MAOA: variants seen among roughly 807,000 people sequenced by gnomAD.
The protein encoded by MAOA is monoamine oxidase A, also known as amine oxidase [flavin-containing] A.
A neutral mutation model predicts 42.0 loss-of-function variants in MAOA; 6 were observed. The ratio of observed to expected loss-of-function variants is 0.14; its 90% CI spans 0.08 to 0.28. The LOEUF (loss-of-function observed/expected upper bound fraction) is 0.28. Ranked by LOEUF, MAOA falls within the 10% of genes least tolerant of loss-of-function variation. The pLI is 1.00. For synonymous variants in MAOA, 140 were observed against 154.0 expected (o/e 0.91, Z 0.67); for missense variants, 262 against 422.3 (o/e 0.62, Z 3.33).
At chrX:43,726,887 G>C (rs780017243) in intron 5 of MAOA, among the ~76,000 whole-genome samples, 1 of 111,722 alleles carries the variant, frequency 9.0e-6, no homozygotes, top group South Asian at 3.8e-4. Context: ...TGTTGATGTT[G>C]ATGCTATTCC....
Position 43,683,677 on chromosome X carries a change from A to G in MAOA, c.168+70A>G, listed in dbSNP as rs1372270100. The G allele has an allele frequency of 4.4e-6, 4 of 903,188 alleles. No individual in the cohort carries two copies. The African/African-American group carries it at 7.8e-5, about 18-fold the overall frequency. The allele number at this position is 903,188 out of a possible 1,213,427, so 74.4% of individuals were successfully genotyped here. On this transcript the variant is annotated intron_variant, in intron 2 of 14. Coordinates refer to ENST00000338702, the MANE Select transcript of MAOA (RefSeq NM_000240.4). ...ACTACAAGTGGCACCACTGGAAATC[A>G]CAGGGCTAGAGGAGGTCTTAAGAGT...
intron 1 of MAOA, among the ~76,000 whole-genome samples, chrX:43,673,247 C>T (rs926222772): frequency 3.5e-4 from 39 of 111,615 alleles, no homozygotes; most frequent in Non-Finnish European, 5.8e-4. Context: ...GTAGTATTCT[C>T]TGATGGTAGT....
In MAOA at chrX:43,679,977, T is replaced by C. The variant is rs149022765; in HGVS notation, c.74-3536T>C. 4.5e-4 allele frequency among the ~76,000 whole-genome samples: 51 copies of C among 112,089 alleles called. No individual in the cohort carries two copies. In the East Asian group the frequency reaches 7.0e-3, roughly 15 times the overall value. Reference sequence around the variant, plus strand: ...AACTTTGGCTGTGTTCCAGAAAACATATTGCGCCAAGACTGGCAGACATTG... The same window carrying C: ...AACTTTGGCTGTGTTCCAGAAAACACATTGCGCCAAGACTGGCAGACATTG... On this transcript the variant is annotated intron_variant, in intron 1 of 14. Coordinates refer to ENST00000338702, the MANE Select transcript of MAOA (RefSeq NM_000240.4).
At chrX:43,700,143 C>T (rs1459697320) in intron 3 of MAOA, among the ~76,000 whole-genome samples, 3 of 111,696 alleles carry the variant, frequency 2.7e-5, no homozygotes, top group African/African-American at 9.8e-5. Context: ...TTGCCTTCCA[C>T]CTGTAATGTA....
intron 5 of MAOA, among the ~76,000 whole-genome samples, chrX:43,723,052 T>G (rs890787914): frequency 9.0e-6 from 1 of 111,703 alleles, no homozygotes; most frequent in African/African-American, 3.3e-5. Context: ...TATATATATC[T>G]GTTTTGGTAC....
At chrX:43,720,070 A>G (rs1376377713) in intron 5 of MAOA, among the ~76,000 whole-genome samples, 1 of 109,319 alleles carries the variant, frequency 9.1e-6, no homozygotes, top group African/African-American at 3.3e-5. Flanking sequence ...GGAAGGGTAG[A>G]TGTCTTAGGG....
chrX:43,679,925 C>A (rs1310373438), intron 1 of MAOA, among the ~76,000 whole-genome samples: 1 of 112,131 alleles, frequency 8.9e-6, no homozygotes, highest in Non-Finnish European at 1.9e-5. Flanking sequence ...ATCTCACTTT[C>A]ATCCCATTTT....
At position 43,703,066 on chromosome X, in the gene MAOA, A is replaced by C. The variant is rs769128837; in HGVS notation, c.307-8806A>C. The stretch of plus-strand genomic sequence containing the variant: ...CTTTTCCTAATCTGTAGATTAAAAA[A>C]AAAATACTATTCTGATGTTTAAATG... On this transcript the variant is annotated intron_variant, in intron 3 of 14. Transcript: ENST00000338702. Among the ~76,000 whole-genome samples the C allele has an allele frequency of 6.3e-5, 7 of 111,783 alleles. No homozygotes were observed. The East Asian group carries it at 2.0e-3, about 32-fold the overall frequency.
At chrX:43,673,360 G>A (rs1378815016) in intron 1 of MAOA, among the ~76,000 whole-genome samples, 5 of 108,393 alleles carry the variant, frequency 4.6e-5, no homozygotes, top group East Asian at 2.8e-4. Flanking sequence ...CTAGCGGTCT[G>A]TCAATTTTGT....
chrX:43,704,269 T>G (rs2033644184), intron 3 of MAOA, among the ~76,000 whole-genome samples: 1 of 111,263 alleles, frequency 9.0e-6, no homozygotes, highest in Non-Finnish European at 1.9e-5. Context: ...TAGCAATATA[T>G]TAAAAGGTTT....
chrX:43,676,319 G>A (rs2033395810), intron 1 of MAOA, among the ~76,000 whole-genome samples: 1 of 111,992 alleles, frequency 8.9e-6, no homozygotes, highest in African/African-American at 3.2e-5. Context: ...TAGGGTGGGA[G>A]TGACCCGATT....
chrX:43,729,601 A>G (rs1400374722), intron 6 of MAOA, among the ~76,000 whole-genome samples: 4 of 111,513 alleles, frequency 3.6e-5, no homozygotes, highest in Admixed American at 1.9e-4. Flanking sequence ...GGAAAGACAA[A>G]TCATGAATTT....
In MAOA at chrX:43,672,473, A is replaced by G. The variant is rs181146264; in HGVS notation, c.74-11040A>G. ...CTAATTGCCCTGGCCAGAAATTCCA[A>G]CACTATGTTGAATAGGAGTGGTGAG... On this transcript the variant is annotated intron_variant, in intron 1 of 14. Transcript: ENST00000338702. Among the ~76,000 whole-genome samples, 1,103 of 111,304 alleles carry G rather than the reference A, an allele frequency of 9.9e-3. 15 individuals carry two copies. Among genetic ancestry groups the G allele is most frequent in the African/African-American group, 0.034 (1,048 of 30,538 alleles).
intron 1 of MAOA, among the ~76,000 whole-genome samples, chrX:43,659,140 C>T (rs2033212834): frequency 9.0e-6 from 1 of 111,583 alleles, no homozygotes; most frequent in Non-Finnish European, 1.9e-5. Flanking sequence ...TCCATATTAG[C>T]AACATTTTTT....
intron 1 of MAOA, among the ~76,000 whole-genome samples, chrX:43,666,169 C>G (rs1019286032): frequency 1.8e-5 from 2 of 112,021 alleles, no homozygotes; most frequent in African/African-American, 6.5e-5. Context: ...GGCACTGCAA[C>G]GTGCAGGCTC....
chrX:43,656,482 C>T (rs2033180680), intron 1 of MAOA, 68 bp downstream of exon 1: 1 of 984,090 alleles, frequency 1.0e-6, no homozygotes, highest in Non-Finnish European at 1.4e-6. Context: ...CCTACAGTAG[C>T]TCTTGTGGTG....
Position 43,683,548 on chromosome X carries a change from G to A in MAOA, c.109G>A (p.Val37Ile), listed in dbSNP as rs779299641. ...TGCCAAACTCTTGACTGAATATGGC[G>A]TTAGTGTTTTGGTTTTAGAAGCTCG... ...SAAKLLTEYG[V>I]SVLVLEARDR... The change falls in exon 2 of 15, where the codon GTT becomes ATT. Residue 37 changes from valine (V) to isoleucine (I), a missense_variant. Physicochemically the swap from Val to Ile is conservative, Grantham distance 29 (BLOSUM62 3). Transcript: ENST00000338702. The A allele has an allele frequency of 1.3e-5, 16 of 1,209,222 alleles. No homozygotes were observed. The Admixed American group carries it at 1.5e-4, about 12-fold the overall frequency.
In MAOA at chrX:43,740,735, A is replaced by G. The variant is rs7065428; in HGVS notation, c.1161A>G (p.Leu387=). The G allele has an allele frequency of 8.3e-7, 1 of 1,198,195 alleles. No homozygotes were observed. Among genetic ancestry groups the G allele is most frequent in the Non-Finnish European group, 1.1e-6 (1 of 887,376 alleles). ...AAGTGCTGGGATCCCAAGAAGCTTT[A>G]CATGTAAGAAACTCCCAGCTTTAAT... ...YAKVLGSQEA[L]HPVHYEEKNW... The change falls in exon 11 of 15, where the codon TTA becomes TTG. Residue 387 remains leucine (L), a synonymous_variant. Transcript: ENST00000338702.
chrX:43,712,325 A>G (rs1365337363), intron 4 of MAOA, among the ~76,000 whole-genome samples: 3 of 111,315 alleles, frequency 2.7e-5, no homozygotes, highest in African/African-American at 9.8e-5. Flanking sequence ...GCCATTTTAG[A>G]TAGTAAAGGA....
Sources: gnomAD v4.1 joint callset for allele counts (sites outside exome capture counted in the v4.1 genomes callset) on GRCh38, gnomAD v4.1.1 for gene constraint, MANE v1.5 for transcripts, NCBI Gene and HGNC (gene_info 2026-07-23, HGNC 2026-07-21) for gene names.